Variants in CDH19 observed in about 807,000 individuals in gnomAD.
The protein encoded by CDH19 is cadherin-19.
In CDH19, 67 loss-of-function variants were observed where a neutral mutation model predicts 64.2. The ratio of observed to expected loss-of-function variants is 1.04; its 90% CI spans 0.86 to 1.28. CDH19 has a LOEUF of 1.28. CDH19 is among the 50% of genes most tolerant of loss of function. The pLI, the probability that CDH19 is intolerant of heterozygous loss-of-function variation, is 0.00. For synonymous variants in CDH19, 346 were observed against 319.3 expected (o/e 1.08, Z -0.89); for missense variants, 1,030 against 929.0 (o/e 1.11, Z -1.41).
rs774689734 is a variant in CDH19 at position 66,551,216 on chromosome 18, T to C, written c.653A>G (p.Asp218Gly). Reference protein sequence around the residue: ...ISSKMDRELQDEYWVIIQAKD... With the variant: ...ISSKMDRELQGEYWVIIQAKD... ...GGCTTGAATGATTACCCAATACTCA[T>C]CTTGCAGTTCTCTATCCATTTTAGA... The change falls in exon 5 of 12, where the codon GAT becomes GGT. Residue 218 changes from aspartate (D) to glycine (G), a missense_variant. Asp to Gly is a moderately conservative substitution (Grantham distance 94). Coordinates refer to ENST00000262150, the MANE Select transcript of CDH19 (RefSeq NM_021153.4). 6 of 1,566,728 alleles carry C rather than the reference T, an allele frequency of 3.8e-6. No individual in the cohort carries two copies. Among genetic ancestry groups the C allele is most frequent in the Non-Finnish European group, 5.3e-6 (6 of 1,137,606 alleles).
At chr18:66,508,108 CTAGA>C (rs1391749037) in intron 11 of CDH19, among the ~76,000 whole-genome samples, 1 of 151,792 alleles carries the variant, frequency 6.6e-6, no homozygotes, top group Non-Finnish European at 1.5e-5. Flanking sequence ...ATAGATAAAA[CTAGA>C]TAACATTATA....
rs1318329394 is a variant in CDH19 at position 66,504,790 on chromosome 18, A to C, written c.*22T>G. 3 of 1,572,804 alleles carry C rather than the reference A, an allele frequency of 1.9e-6. No homozygotes were observed. In the African/African-American group the frequency reaches 4.1e-5, roughly 21 times the overall value. Reference sequence around the variant, plus strand: ...GTTCGAATACACATTAGCACTTTTAAAAATTTTGATGGTAAAAAGCCCTAA... The same window carrying C: ...GTTCGAATACACATTAGCACTTTTACAAATTTTGATGGTAAAAAGCCCTAA... On this transcript the variant is annotated 3_prime_UTR_variant, in exon 12 of 12. Coordinates refer to ENST00000262150, the MANE Select transcript of CDH19 (RefSeq NM_021153.4).
In CDH19 at chr18:66,544,052, T is replaced by G. The variant is rs764030217; in HGVS notation, c.1133A>C (p.Glu378Ala). 2.2e-5 allele frequency: 36 copies of G among 1,613,680 alleles called. No individual in the cohort carries two copies. The East Asian group carries it at 7.8e-4, about 35-fold the overall frequency. Residue 378 changes from glutamate (E) to alanine (A), a missense_variant, in exon 7 of 12, where the codon GAA becomes GCA. Transcript: ENST00000262150. ...PLFLLPYYVF[E>A]VFEETPQGSF... ...TCCCTGTGGGGTTTCTTCAAAAACT[T>G]CAAATACATAATATGGAAGGAGGAA...
intron 3 of CDH19, among the ~76,000 whole-genome samples, chr18:66,556,218 A>G (rs556250799): frequency 1.3e-5 from 2 of 151,814 alleles, no homozygotes; most frequent in South Asian, 4.1e-4. Context: ...CATGATTACT[A>G]TAGTAAAGCA....
chr18:66,570,623 T>G, intron 2 of CDH19, among the ~76,000 whole-genome samples: 1 of 151,750 alleles, frequency 6.6e-6, no homozygotes, highest in East Asian at 1.9e-4. Flanking sequence ...ACATTCATTA[T>G]TGTTCTTTTT....
chr18:66,548,108 T>C (rs1344115796), intron 5 of CDH19, among the ~76,000 whole-genome samples: 1 of 146,868 alleles, frequency 6.8e-6, no homozygotes, highest in East Asian at 1.9e-4. Context: ...TTGTTATATA[T>C]TATATAAAAT....
chr18:66,577,768 A>G (rs1988308870), intron 1 of CDH19, among the ~76,000 whole-genome samples: 2 of 152,062 alleles, frequency 1.3e-5, no homozygotes, highest in Non-Finnish European at 1.5e-5. Flanking sequence ...TTACAGTTCT[A>G]TAGGTGAGAT....
intron 1 of CDH19, among the ~76,000 whole-genome samples, chr18:66,573,800 A>G (rs1988181648): frequency 6.6e-6 from 1 of 151,358 alleles, no homozygotes; most frequent in Non-Finnish European, 1.5e-5. Flanking sequence ...TTCAGTAATT[A>G]CCAACACATG....
intron 11 of CDH19, 112 bp from the exon 12 acceptor site, chr18:66,505,414 A>G (rs1985147152): frequency 2.5e-6 from 2 of 804,988 alleles, no homozygotes; most frequent in East Asian, 6.1e-5. Flanking sequence ...TATGATTATA[A>G]AACAAAAAGA....
intron 11 of CDH19, among the ~76,000 whole-genome samples, chr18:66,506,916 A>G (rs1985230042): frequency 6.6e-6 from 1 of 151,986 alleles, no homozygotes; most frequent in Non-Finnish European, 1.5e-5. Context: ...TTTAGAACTC[A>G]TATGATATAT....
intron 3 of CDH19, among the ~76,000 whole-genome samples, chr18:66,565,215 C>G (rs1987865089): frequency 6.6e-6 from 1 of 151,896 alleles, no homozygotes. Context: ...CTCAACTCTA[C>G]TTGAAAGTTC....
intron 4 of CDH19, among the ~76,000 whole-genome samples, chr18:66,553,993 CAGCT>C (rs1987426068): frequency 1.1e-5 from 1 of 88,860 alleles, no homozygotes. Context: ...CAGGGTTATG[CAGCT>C]GTATTTCATT....
rs1203212789 is a variant in CDH19 at position 66,508,898 on chromosome 18, A to C, written c.1828+97T>G. The C allele has an allele frequency of 2.4e-6, 3 of 1,258,634 alleles. No homozygotes were observed. The African/African-American group carries it at 4.6e-5, about 19-fold the overall frequency. 78.0% of individuals were successfully genotyped at this position (1,258,634 alleles called of 1,614,324 possible). On this transcript the variant is annotated intron_variant, in intron 11 of 11. Coordinates refer to ENST00000262150, the MANE Select transcript of CDH19 (RefSeq NM_021153.4). Reference sequence around the variant, plus strand: ...TAATAGAATTAACTATGTATTTATCATGTTATTTTAAATAAATGAGTATAT... The same window carrying C: ...TAATAGAATTAACTATGTATTTATCCTGTTATTTTAAATAAATGAGTATAT...
chr18:66,551,787 A>C (rs1987353991), intron 4 of CDH19, among the ~76,000 whole-genome samples: 1 of 152,028 alleles, frequency 6.6e-6, no homozygotes, highest in African/African-American at 2.4e-5. Flanking sequence ...CAAACTCAAG[A>C]TAATTAATGA....
chr18:66,569,747 C>A lies in CDH19; in HGVS notation c.196-1037G>T, dbSNP rs746061678. 2.4e-4 allele frequency among the ~76,000 whole-genome samples: 37 copies of A among 151,636 alleles called. No individual in the cohort carries two copies. In the Admixed American group the frequency reaches 2.4e-3, roughly 10 times the overall value. The stretch of plus-strand genomic sequence containing the variant: ...GAGAAGAATGTCATGGTTCCCTAAT[C>A]ATTGTGAATCCACATTTTCTTGATT... On this transcript the variant is annotated intron_variant, in intron 2 of 11. Coordinates refer to ENST00000262150, the MANE Select transcript of CDH19 (RefSeq NM_021153.4).
intron 11 of CDH19, 118 bp from the exon 12 acceptor site, chr18:66,505,420 A>ATGTATCTTTTTGTTTTAT: frequency 1.3e-6 from 1 of 782,382 alleles, no homozygotes; most frequent in Non-Finnish European, 1.8e-6. Flanking sequence ...TATAAAACAA[A>ATGTATCTTTTTGTTTTAT]AAGATACATT....
At chr18:66,554,383 T>A (rs1416649726) in intron 4 of CDH19, 22 bp downstream of exon 4, 1 of 1,609,222 alleles carries the variant, frequency 6.2e-7, no homozygotes, top group East Asian at 2.2e-5. Flanking sequence ...TGTTAAACTT[T>A]GCTTGTTTCA....
chr18:66,509,249 A>G lies in CDH19; in HGVS notation c.1577-3T>C. 2.5e-6 allele frequency: 4 copies of G among 1,610,744 alleles called. No homozygotes were observed. Among genetic ancestry groups the G allele is most frequent in the Non-Finnish European group, 3.4e-6 (4 of 1,178,056 alleles). On this transcript the variant is annotated splice_region_variant and splice_polypyrimidine_tract_variant and intron_variant, in intron 10 of 11. Transcript: ENST00000262150. ...AGTCAAAATGACAGCTGTGTTATCT[A>G]AAACAAAAATCCATGTGCATAATTT...
At chr18:66,559,764 A>G (rs1987652498) in intron 3 of CDH19, among the ~76,000 whole-genome samples, 1 of 151,296 alleles carries the variant, frequency 6.6e-6, no homozygotes, top group South Asian at 2.1e-4. Flanking sequence ...GAAATAAAAT[A>G]TTCAGGAATA....
Sources: gnomAD v4.1 joint callset for allele counts (sites outside exome capture counted in the v4.1 genomes callset) on GRCh38, gnomAD v4.1.1 for gene constraint, MANE v1.5 for transcripts, NCBI Gene and HGNC (gene_info 2026-07-23, HGNC 2026-07-21) for gene names.